Variants in SCN9A observed in about 807,000 individuals in gnomAD.
The protein encoded by SCN9A is sodium voltage-gated channel alpha subunit 9, also known as sodium channel protein type 9 subunit alpha.
In SCN9A, 131 loss-of-function variants were observed where a neutral mutation model predicts 187.0. The ratio of observed to expected loss-of-function variants is 0.70; its 90% confidence interval spans 0.61 to 0.81. The LOEUF is 0.81. SCN9A is among the 30% of genes least tolerant of loss of function. The pLI is 0.00. For missense variants in SCN9A, 2,252 were observed against 2,396.6 expected, an observed-to-expected ratio of 0.94 and a Z score of 1.26; for synonymous variants, 809 against 808.6, an observed-to-expected ratio of 1.00 and a Z score of -0.01.
At chr2:166,280,690 G>A in intron 13 of SCN9A, 95 bp from the exon 14 acceptor site, 1 of 722,042 alleles carries the variant, frequency 1.4e-6, no homozygotes, top group Non-Finnish European at 2.3e-6. Flanking sequence ...ATTGAAACAA[G>A]GTTTATAGTT....
chr2:166,204,386 G>A lies in SCN9A; in HGVS notation c.4477C>T (p.Pro1493Ser), dbSNP rs1308563478. The stretch of plus-strand genomic sequence containing the variant: ...CCTGGTCGAGGAATTGGCTTTTGTG[G>A]CTTCTTGGACCCCAGCTTTTTCATT... ...NAMKKLGSKK[P>S]QKPIPRPGNK... is the part of the protein sequence containing the mutation. Residue 1493 changes from proline to serine, a missense_variant, in exon 25 of 27, where the codon CCA (proline) becomes TCA (serine). Around this residue, in one of 7 missense-constraint regions of SCN9A, gnomAD observed 368 missense variants for 408.6 expected, o/e 0.90. Coordinates refer to ENST00000642356, the MANE Select transcript of SCN9A (RefSeq NM_001365536.1). 1 of 1,609,534 alleles carries A rather than the reference G, an allele frequency of 6.2e-7. No homozygotes were observed. The highest frequency in any genetic ancestry group is 8.5e-7 in the Non-Finnish European group (1 of 1,177,864).
chr2:166,305,730 G>C (rs1363505993), intron 5 of SCN9A, 62 bp downstream of exon 5: 1 of 1,604,318 alleles, frequency 6.2e-7, no homozygotes, highest in African/African-American at 1.3e-5. Context: ...TGCTGTTATT[G>C]GAACACTGTG....
intron 14 of SCN9A, 151 bp downstream of exon 14, chr2:166,280,206 A>C (rs1021959145): frequency 1.7e-6 from 1 of 589,652 alleles, no homozygotes; most frequent in African/African-American, 1.9e-5. Flanking sequence ...ACATAACCAG[A>C]AACTTGACTC....
At chr2:166,265,350 G>A (rs1469887225) in intron 17 of SCN9A, among the ~76,000 whole-genome samples, 1 of 151,828 alleles carries the variant, frequency 6.6e-6, no homozygotes, top group Non-Finnish European at 1.5e-5. Context: ...TGTCCTCCAG[G>A]TTCATTCATG....
At chr2:166,271,046 G>A (rs919035086) in intron 17 of SCN9A, among the ~76,000 whole-genome samples, 2 of 151,934 alleles carry the variant, frequency 1.3e-5, no homozygotes, top group African/African-American at 4.8e-5. Context: ...CTAGAAATAT[G>A]CAGGTAAGGG....
intron 1 of SCN9A, among the ~76,000 whole-genome samples, chr2:166,370,081 CAAG>C (rs1486582217): frequency 1.3e-5 from 2 of 151,538 alleles, no homozygotes; most frequent in Non-Finnish European, 2.9e-5. Context: ...TATAGACTCT[CAAG>C]AAGATGACAT....
chr2:166,211,995 A>G (rs1188878667), intron 24 of SCN9A, among the ~76,000 whole-genome samples: 1 of 152,256 alleles, frequency 6.6e-6, no homozygotes, highest in Non-Finnish European at 1.5e-5. Context: ...AGATTTATGA[A>G]AACAAGATCC....
At chr2:166,295,690 T>A (rs1698268374) in intron 7 of SCN9A, among the ~76,000 whole-genome samples, 2 of 152,230 alleles carry the variant, frequency 1.3e-5, no homozygotes, top group South Asian at 4.1e-4. Flanking sequence ...AGTAAGGCAG[T>A]AACATAAGTG....
chr2:166,250,774 A>C (rs1695999917), intron 18 of SCN9A, among the ~76,000 whole-genome samples: 1 of 152,066 alleles, frequency 6.6e-6, no homozygotes, highest in Admixed American at 6.6e-5. Context: ...CAAGTTAAGG[A>C]CTTCAGACTT....
chr2:166,312,220 T>C (rs1698982787), intron 1 of SCN9A, among the ~76,000 whole-genome samples: 1 of 152,216 alleles, frequency 6.6e-6, no homozygotes, highest in Admixed American at 6.5e-5. Flanking sequence ...TGTAATATTC[T>C]AAATCCTCTG....
At chr2:166,305,164 G>A (rs758720517) in intron 5 of SCN9A, among the ~76,000 whole-genome samples, 25 of 151,772 alleles carry the variant, frequency 1.6e-4, no homozygotes, top group African/African-American at 2.4e-4. Context: ...AGTCATTAAC[G>A]GAAAATAGAA....
At chr2:166,240,676 C>G (rs995974839) in intron 19 of SCN9A, among the ~76,000 whole-genome samples, 2 of 152,082 alleles carry the variant, frequency 1.3e-5, no homozygotes, top group Admixed American at 6.6e-5. Context: ...CTTTTCTGAT[C>G]ACATTTTCTG....
At chr2:166,217,930 T>C (rs964089222) in intron 24 of SCN9A, among the ~76,000 whole-genome samples, 4 of 151,978 alleles carry the variant, frequency 2.6e-5, no homozygotes, top group African/African-American at 9.7e-5. Context: ...TGCACTCCCA[T>C]GTTCATTTCA....
chr2:166,370,282 G>A (rs1700524850), intron 1 of SCN9A, among the ~76,000 whole-genome samples: 1 of 150,022 alleles, frequency 6.7e-6, no homozygotes, highest in South Asian at 2.1e-4. Flanking sequence ...GGTGGCTCAT[G>A]CTTGTAATCC....
At chr2:166,224,939 A>G (rs16851796) in intron 24 of SCN9A, among the ~76,000 whole-genome samples, 4,883 of 152,260 alleles carry the variant, frequency 0.032, 488 homozygotes, top group Admixed American at 0.2. Context: ...TTTGACTACA[A>G]TTATGTTAGA....
At chr2:166,332,894 A>G (rs1409588849) in intron 1 of SCN9A, among the ~76,000 whole-genome samples, 2 of 151,828 alleles carry the variant, frequency 1.3e-5, no homozygotes, top group South Asian at 2.1e-4. Context: ...CTAACTTACT[A>G]CAATAAAACA....
chr2:166,215,112 T>C (rs568811681), intron 24 of SCN9A, among the ~76,000 whole-genome samples: 1 of 152,334 alleles, frequency 6.6e-6, no homozygotes, highest in South Asian at 2.1e-4. Flanking sequence ...TTTCTGTTCA[T>C]GATGACATGA....
chr2:166,365,393 C>T (rs1327162652), intron 1 of SCN9A, among the ~76,000 whole-genome samples: 3 of 152,034 alleles, frequency 2.0e-5, no homozygotes, highest in African/African-American at 7.2e-5. Context: ...TTATGTTACC[C>T]ATGTCCAGAA....
Position 166,237,801 on chromosome 2 carries a change from A to G in SCN9A, c.3801+293T>C, listed in dbSNP as rs532988062. ...TATTCTTAACAAGAATGACATTCAA[A>G]TCATATTTTTTAAAAAATCACATCT... On this transcript the variant is annotated intron_variant, in intron 20 of 26. Transcript: ENST00000642356. Among the ~76,000 whole-genome samples, 3 of 152,266 alleles carry G rather than the reference A, an allele frequency of 2.0e-5. No homozygotes were observed. The South Asian group carries it at 6.2e-4, about 32-fold the overall frequency.
Sources: allele counts gnomAD v4.1 joint callset (sites outside exome capture counted in the v4.1 genomes callset), GRCh38; gene constraint gnomAD v4.1.1; regional missense constraint gnomAD v4.1.1; transcripts MANE v1.5; gene names NCBI Gene and HGNC (gene_info 2026-07-23, HGNC 2026-07-21).